Variants in FA2H observed in about 807,000 individuals in gnomAD.
FA2H encodes the protein fatty acid 2-hydroxylase.
FA2H carries 22 observed loss-of-function variants against 44.9 expected under a neutral mutation model. That is an observed-to-expected ratio of 0.49 (90% CI 0.35 to 0.70). FA2H has a LOEUF of 0.70. Among genes scored for constraint, FA2H ranks in the 30% least tolerant of loss-of-function variants. The pLI is 0.01. For synonymous variants in FA2H, 243 were observed against 213.2 expected (o/e 1.14, Z -1.22); for missense variants, 501 against 504.9 (o/e 0.99, Z 0.07).
At chr16:74,759,448 G>C (rs1214504390) in intron 1 of FA2H, among the ~76,000 whole-genome samples, 1 of 152,190 alleles carries the variant, frequency 6.6e-6, no homozygotes, top group African/African-American at 2.4e-5. Flanking sequence ...TTGTGGGTGA[G>C]ATCAAGAGTG....
At chr16:74,718,024 C>A (rs975997056) in intron 5 of FA2H, among the ~76,000 whole-genome samples, 4 of 152,136 alleles carry the variant, frequency 2.6e-5, no homozygotes, top group African/African-American at 9.7e-5. Flanking sequence ...CAGGACTGGG[C>A]ACCCACCCTG....
rs74648378 is a variant in FA2H at position 74,748,254 on chromosome 16, C to T, written c.271-8139G>A. 7.3e-3 allele frequency among the ~76,000 whole-genome samples: 1,110 copies of T among 152,338 alleles called. 10 individuals carry two copies. The highest frequency in any genetic ancestry group is 0.026 in the African/African-American group (1,062 of 41,590). ...GCTGCGCGTGGAGCAGTGAAGCAAACGCCGCCCTCTTTAGTGCAAACCTTG... is the reference window on the plus strand; with the variant it reads ...GCTGCGCGTGGAGCAGTGAAGCAAATGCCGCCCTCTTTAGTGCAAACCTTG... On this transcript the variant is annotated intron_variant, in intron 1 of 6. Coordinates refer to ENST00000219368, the MANE Select transcript of FA2H (RefSeq NM_024306.5).
At chr16:74,729,576 G>A (rs1019945563) in intron 2 of FA2H, among the ~76,000 whole-genome samples, 1 of 152,176 alleles carries the variant, frequency 6.6e-6, no homozygotes, top group Non-Finnish European at 1.5e-5. Flanking sequence ...TCACTCATAG[G>A]GATGCAAGCT....
chr16:74,763,641 T>A (rs754624747), intron 1 of FA2H, among the ~76,000 whole-genome samples: 1 of 152,212 alleles, frequency 6.6e-6, no homozygotes, highest in Non-Finnish European at 1.5e-5. Context: ...CTGAACATCA[T>A]TCAATGCTAA....
At chr16:74,754,969 C>T (rs1962588579) in intron 1 of FA2H, among the ~76,000 whole-genome samples, 1 of 152,054 alleles carries the variant, frequency 6.6e-6, no homozygotes, top group Non-Finnish European at 1.5e-5. Flanking sequence ...GAAGAACACC[C>T]ATAAAGATGG....
chr16:74,737,685 G>C (rs241368), intron 2 of FA2H, among the ~76,000 whole-genome samples: 85,425 of 152,070 alleles, frequency 0.56, 24,233 homozygotes, highest in Admixed American at 0.61. Context: ...TCACAGTACT[G>C]AGCTTGGAGG....
intron 1 of FA2H, among the ~76,000 whole-genome samples, chr16:74,760,370 T>C (rs1225329156): frequency 1.3e-5 from 2 of 152,208 alleles, no homozygotes; most frequent in African/African-American, 4.8e-5. Context: ...TAAAATTGTC[T>C]AAATTAAAGA....
intron 1 of FA2H, among the ~76,000 whole-genome samples, chr16:74,758,314 G>T (rs1164283065): frequency 2.0e-5 from 3 of 151,636 alleles, no homozygotes; most frequent in African/African-American, 7.3e-5. Context: ...TAGAGTCAGG[G>T]TTTCACTATG....
At chr16:74,757,946 G>A (rs939759645) in intron 1 of FA2H, among the ~76,000 whole-genome samples, 1 of 152,126 alleles carries the variant, frequency 6.6e-6, no homozygotes, top group Non-Finnish European at 1.5e-5. Context: ...CTGAGCCGGG[G>A]AGGTCAAGGC....
At chr16:74,760,257 T>C (rs1597569302) in intron 1 of FA2H, among the ~76,000 whole-genome samples, 1 of 152,174 alleles carries the variant, frequency 6.6e-6, no homozygotes, top group South Asian at 2.1e-4. Flanking sequence ...CGAGGGAGCA[T>C]GCTGGGAGCC....
chr16:74,722,447 G>T (rs1269315615), intron 4 of FA2H, among the ~76,000 whole-genome samples: 2 of 151,924 alleles, frequency 1.3e-5, no homozygotes, highest in Non-Finnish European at 2.9e-5. Flanking sequence ...GAGGCAGGGG[G>T]ATCACTTGAG....
chr16:74,759,042 T>C (rs1014811850), intron 1 of FA2H, among the ~76,000 whole-genome samples: 2 of 152,192 alleles, frequency 1.3e-5, no homozygotes, highest in African/African-American at 4.8e-5. Flanking sequence ...CACGTCCCAC[T>C]CTGTTGCACC....
chr16:74,727,669 G>A (rs1190815244), intron 2 of FA2H, among the ~76,000 whole-genome samples: 1 of 152,222 alleles, frequency 6.6e-6, no homozygotes, highest in African/African-American at 2.4e-5. Context: ...GGCAGGGCAT[G>A]AGCCTGGATT....
chr16:74,745,391 G>A (rs573561973), intron 1 of FA2H, among the ~76,000 whole-genome samples: 58 of 152,338 alleles, frequency 3.8e-4, no homozygotes, highest in Middle Eastern at 3.4e-3. Context: ...GGCCTGGGTC[G>A]ACTCTGAGAG....
chr16:74,729,644 A>C (rs563863305), intron 2 of FA2H, among the ~76,000 whole-genome samples: 1 of 152,320 alleles, frequency 6.6e-6, no homozygotes, highest in East Asian at 1.9e-4. Flanking sequence ...GATTTCTGAC[A>C]AGCCAGTGCT....
intron 5 of FA2H, chr16:74,716,985 T>C (rs965653067): frequency 9.0e-6 from 2 of 222,240 alleles, no homozygotes; most frequent in Non-Finnish European, 1.8e-5. Flanking sequence ...TAGAGGGGCA[T>C]TCTGGAGACA....
At chr16:74,752,516 G>A (rs1962545156) in intron 1 of FA2H, among the ~76,000 whole-genome samples, 1 of 152,250 alleles carries the variant, frequency 6.6e-6, no homozygotes, top group Non-Finnish European at 1.5e-5. Flanking sequence ...TGCCTGGAAT[G>A]TTTCTGACCC....
intron 1 of FA2H, 43 bp downstream of exon 1, chr16:74,774,443 A>G: frequency 6.8e-7 from 1 of 1,470,348 alleles, no homozygotes; most frequent in Non-Finnish European, 8.9e-7. Flanking sequence ...TGGAAGGCTG[A>G]CGGAGGCCTG....
intron 2 of FA2H, among the ~76,000 whole-genome samples, chr16:74,730,493 T>C (rs1374932855): frequency 6.6e-6 from 1 of 152,108 alleles, no homozygotes; most frequent in African/African-American, 2.4e-5. Flanking sequence ...AGTGGAGTCA[T>C]TGGAAGTGTG....
Sources: gnomAD v4.1 joint callset for allele counts (sites outside exome capture counted in the v4.1 genomes callset) on GRCh38, gnomAD v4.1.1 for gene constraint, MANE v1.5 for transcripts, NCBI Gene and HGNC (gene_info 2026-07-23, HGNC 2026-07-21) for gene names.